GULP1: variants seen among roughly 807,000 people sequenced by gnomAD.
GULP1 encodes the protein GULP PTB domain containing engulfment adaptor 1.
GULP1 carries 19 observed loss-of-function variants against 40.9 expected under a neutral mutation model. The ratio of observed to expected loss-of-function variants is 0.46; its 90% confidence interval spans 0.32 to 0.68. The LOEUF (loss-of-function observed/expected upper bound fraction) is 0.68, where lower values mean the gene tolerates loss of function less well. Among genes scored for constraint, GULP1 ranks in the 30% least tolerant of loss-of-function variants. The pLI is 0.03. For synonymous variants in GULP1, 119 were observed against 117.6 expected (o/e 1.01, Z -0.08); for missense variants, 312 against 362.2 (o/e 0.86, Z 1.12).
At chr2:188,511,547 G>T (rs955491030) in intron 4 of GULP1, among the ~76,000 whole-genome samples, 6 of 152,044 alleles carry the variant, frequency 3.9e-5, no homozygotes, top group Non-Finnish European at 8.8e-5. Context: ...GTGTGGGAGG[G>T]ACTCCACAGG....
chr2:188,320,178 C>T (rs1047706590), intron 1 of GULP1, among the ~76,000 whole-genome samples: 3 of 152,076 alleles, frequency 2.0e-5, no homozygotes, highest in Non-Finnish European at 4.4e-5. Flanking sequence ...CCAAATGTCC[C>T]CTAGGGAGCA....
At chr2:188,375,181 C>T (rs950471379) in intron 1 of GULP1, among the ~76,000 whole-genome samples, 3 of 152,040 alleles carry the variant, frequency 2.0e-5, no homozygotes, top group African/African-American at 7.2e-5. Context: ...AGAAGGTATT[C>T]CAGATTTTAC....
chr2:188,311,645 T>A (rs2038126130), intron 1 of GULP1, among the ~76,000 whole-genome samples: 1 of 151,334 alleles, frequency 6.6e-6, no homozygotes. Flanking sequence ...TTTTCTCAGT[T>A]ACTGAAATTT....
intron 2 of GULP1, among the ~76,000 whole-genome samples, chr2:188,433,992 C>A (rs2057167376): frequency 6.6e-6 from 1 of 151,688 alleles, no homozygotes; most frequent in Non-Finnish European, 1.5e-5. Flanking sequence ...AATATTCCCC[C>A]CACTTTTTTT....
chr2:188,523,416 T>A (rs1261217531), intron 5 of GULP1, among the ~76,000 whole-genome samples: 2 of 152,176 alleles, frequency 1.3e-5, no homozygotes, highest in Non-Finnish European at 2.9e-5. Context: ...TGAGAAAATC[T>A]TACATAAGAT....
chr2:188,477,613 GT>G, intron 2 of GULP1, 45 bp from the exon 3 acceptor site: 2 of 974,768 alleles, frequency 2.1e-6, no homozygotes, highest in South Asian at 3.1e-5. Context: ...AGAGAGGTCA[GT>G]CAACAGTCCT....
chr2:188,390,431 T>G (rs891427234), intron 2 of GULP1, among the ~76,000 whole-genome samples: 22 of 152,214 alleles, frequency 1.4e-4, no homozygotes, highest in African/African-American at 5.3e-4. Flanking sequence ...AATATCTATT[T>G]ATGTCATTTG....
chr2:188,392,181 A>G (rs901162272), intron 2 of GULP1, among the ~76,000 whole-genome samples: 2 of 151,804 alleles, frequency 1.3e-5, no homozygotes, highest in Admixed American at 6.6e-5. Flanking sequence ...ATTGGTATCA[A>G]TTGTTTTTTG....
At chr2:188,442,373 A>G (rs981892468) in intron 2 of GULP1, among the ~76,000 whole-genome samples, 1 of 152,216 alleles carries the variant, frequency 6.6e-6, no homozygotes, top group African/African-American at 2.4e-5. Flanking sequence ...TAATAGCCAC[A>G]TTCTGAGCAG....
At chr2:188,547,822 T>A (rs1692370343) in intron 7 of GULP1, among the ~76,000 whole-genome samples, 1 of 152,092 alleles carries the variant, frequency 6.6e-6, no homozygotes. Flanking sequence ...ATGCACATTT[T>A]GCTCAACATT....
At chr2:188,349,572 C>T (rs1370350685) in intron 1 of GULP1, among the ~76,000 whole-genome samples, 4 of 152,060 alleles carry the variant, frequency 2.6e-5, no homozygotes, top group African/African-American at 9.7e-5. Context: ...ATATTTTGCT[C>T]AGTTTTTAAT....
chr2:188,446,791 A>T (rs538880061), intron 2 of GULP1, among the ~76,000 whole-genome samples: 2 of 152,346 alleles, frequency 1.3e-5, no homozygotes, highest in Non-Finnish European at 2.9e-5. Flanking sequence ...TTAATGATGT[A>T]GTGGTATTTC....
At chr2:188,540,825 G>GT (rs1690275269) in intron 6 of GULP1, among the ~76,000 whole-genome samples, 1 of 152,054 alleles carries the variant, frequency 6.6e-6, no homozygotes, top group African/African-American at 2.4e-5. Flanking sequence ...AACTGTGGGG[G>GT]TGTCTTATTC....
chr2:188,426,386 C>T (rs947139162), intron 2 of GULP1, among the ~76,000 whole-genome samples: 20 of 152,002 alleles, frequency 1.3e-4, no homozygotes, highest in Non-Finnish European at 2.5e-4. Flanking sequence ...AGATGGTAAG[C>T]CTTTCTTATC....
In GULP1 at chr2:188,292,434, TG is replaced by T. The variant is rs1407622804; in HGVS notation, c.-172+273del. Among the ~76,000 whole-genome samples, 1 of 152,114 alleles carries T rather than the reference TG, an allele frequency of 6.6e-6. No individual in the cohort carries two copies. The highest frequency in any genetic ancestry group is 6.5e-5 in the Admixed American group (1 of 15,276). ...GCTATGGCAGCGCTTGAGAAATGAC[TG>T]GGGGAGTCCAGCGAGGTCGGGGACG... On this transcript the variant is annotated intron_variant, in intron 1 of 11. Coordinates refer to ENST00000409830, the MANE Select transcript of GULP1 (RefSeq NM_016315.4). The surrounding 1 kb of genome is among the most constrained non-coding windows in gnomAD (Gnocchi z 4.0).
chr2:188,572,923 T>A (rs1699374921), intron 9 of GULP1, among the ~76,000 whole-genome samples: 1 of 152,092 alleles, frequency 6.6e-6, no homozygotes, highest in Admixed American at 6.6e-5. Context: ...AGAAATAAGT[T>A]CAAGAGATCT....
intron 4 of GULP1, among the ~76,000 whole-genome samples, chr2:188,518,084 C>T (rs569164843): frequency 5.9e-5 from 9 of 152,030 alleles, no homozygotes; most frequent in Non-Finnish European, 7.4e-5. Context: ...TTTGATGGCA[C>T]TTAGGACAGT....
intron 4 of GULP1, among the ~76,000 whole-genome samples, chr2:188,512,434 A>C (rs1011458922): frequency 6.6e-6 from 1 of 152,144 alleles, no homozygotes. Context: ...TGAATTTACT[A>C]TACATAAAAT....
intron 2 of GULP1, among the ~76,000 whole-genome samples, chr2:188,447,720 A>G (rs1427271465): frequency 1.3e-5 from 2 of 152,096 alleles, no homozygotes; most frequent in Non-Finnish European, 2.9e-5. Context: ...GCATTGCTAG[A>G]CACATGCTAG....
Sources: gnomAD v4.1 joint callset for allele counts (sites outside exome capture counted in the v4.1 genomes callset) on GRCh38, gnomAD v4.1.1 for gene constraint, Gnocchi (gnomAD v3.1) non-coding constraint, MANE v1.5 for transcripts, NCBI Gene and HGNC (gene_info 2026-07-23, HGNC 2026-07-21) for gene names.